KDM2B: variants seen among roughly 807,000 people sequenced by gnomAD.
KDM2B encodes the protein lysine demethylase 2B, also known as lysine-specific demethylase 2B.
A neutral mutation model predicts 150.0 loss-of-function variants in KDM2B; 26 were observed. The observed-to-expected ratio is 0.17, with a 90% confidence interval of 0.13 to 0.24. The LOEUF (loss-of-function observed/expected upper bound fraction) is 0.24. Among genes scored for constraint, KDM2B ranks in the 10% least tolerant of loss-of-function variants. The pLI is 1.00. For synonymous variants in KDM2B, 734 were observed against 729.5 expected (o/e 1.01, Z -0.10); for missense variants, 1,265 against 1,816.9 (o/e 0.70, Z 5.52).
intron 6 of KDM2B, among the ~76,000 whole-genome samples, chr12:121,546,630 C>T (rs1254556764): frequency 1.3e-5 from 2 of 151,240 alleles, no homozygotes; most frequent in Non-Finnish European, 2.9e-5. Flanking sequence ...GTCTCGATCT[C>T]CTGACCTCGT....
At chr12:121,564,144 A>G (rs1366770657) in intron 4 of KDM2B, among the ~76,000 whole-genome samples, 5 of 151,920 alleles carry the variant, frequency 3.3e-5, no homozygotes, top group Non-Finnish European at 4.4e-5. Context: ...GGTCCCAATC[A>G]GTGCAACAAA....
At chr12:121,478,249 G>A (rs1333937633) in intron 12 of KDM2B, among the ~76,000 whole-genome samples, 2 of 152,068 alleles carry the variant, frequency 1.3e-5, no homozygotes, top group South Asian at 2.1e-4. Flanking sequence ...TGTGTCGAAG[G>A]GGACTGGTGT....
intron 1 of KDM2B, 54 bp from the exon 2 acceptor site, chr12:121,579,000 G>A (rs782015006): frequency 1.9e-6 from 3 of 1,571,940 alleles, no homozygotes; most frequent in South Asian, 2.3e-5. Flanking sequence ...GCTGGAGGTC[G>A]CCTCTCAACC....
rs1555288069 is a variant in KDM2B at position 121,440,979 on chromosome 12, T to TG, written c.3449-3dup. Reference sequence around the variant, plus strand: ...CTGACAGCACCAAGTCCCGGAGCCCTGGGGGGACATAGAAAAGGGTGAAGG... The same window carrying TG: ...CTGACAGCACCAAGTCCCGGAGCCCTGGGGGGGACATAGAAAAGGGTGAAGG... On this transcript the variant is annotated splice_region_variant and splice_polypyrimidine_tract_variant and intron_variant, in intron 20 of 22. Coordinates refer to ENST00000377071, the MANE Select transcript of KDM2B (RefSeq NM_032590.5). 5.0e-6 allele frequency: 8 copies of TG among 1,613,352 alleles called. No homozygotes were observed. The highest frequency in any genetic ancestry group is 4.4e-5 in the South Asian group (4 of 90,992).
At chr12:121,498,418 T>A (rs533130657) in intron 11 of KDM2B, among the ~76,000 whole-genome samples, 1 of 152,306 alleles carries the variant, frequency 6.6e-6, no homozygotes, top group Admixed American at 6.5e-5. Flanking sequence ...CCAGCTTACC[T>A]CCTATGGGGA....
intron 8 of KDM2B, among the ~76,000 whole-genome samples, chr12:121,529,092 A>G (rs1555307380): frequency 2.6e-5 from 4 of 152,208 alleles, no homozygotes; most frequent in Non-Finnish European, 5.9e-5. Context: ...ACCTCAACAA[A>G]ATACTAGTAA....
chr12:121,420,155 A>C, the KDM2B span: 1 of 1,229,458 alleles, frequency 8.1e-7, no homozygotes, highest in Non-Finnish European at 1.2e-6. Context: ...CTTTCTGGTC[A>C]TCATGGGGAG....
At chr12:121,412,918 T>C in the KDM2B span, among the ~76,000 whole-genome samples, 2 of 151,922 alleles carry the variant, frequency 1.3e-5, no homozygotes, top group African/African-American at 4.8e-5. Context: ...GGTTTCACCA[T>C]GTTGGCCAGG....
At position 121,569,826 on chromosome 12, in the gene KDM2B, T is replaced by TTTTCTTTC. The variant is rs58941915; in HGVS notation, c.397+4713_397+4720dup. Among the ~76,000 whole-genome samples, 188 of 149,620 alleles carry TTTTCTTTC rather than the reference T, an allele frequency of 1.3e-3. 1 individual carries two copies. The highest frequency in any genetic ancestry group is 4.3e-3 in the African/African-American group (173 of 39,932). On this transcript the variant is annotated intron_variant, in intron 4 of 22. Transcript: ENST00000377071. ...ATGACTGTTCCTGCTTTCTTTTTTC[T>TTTTCTTTC]TTTCTTTCTTTCTTTCTTTCTTTTT...
rs782445142 is a variant in KDM2B at position 121,444,088 on chromosome 12, C to T, written c.2375G>A (p.Arg792His). The T allele has an allele frequency of 2.9e-5, 46 of 1,613,768 alleles. No individual in the cohort carries two copies. The highest frequency in any genetic ancestry group is 8.0e-5 in the African/African-American group (6 of 74,950). Residue 792 changes from arginine to histidine, a missense_variant, in exon 16 of 23, where the codon CGC (arginine) becomes CAC (histidine). Arg to His is a conservative substitution (Grantham distance 29). Transcript: ENST00000377071. ...SKKVPPDGLL[R>H]RKSDDVHLRK... The stretch of plus-strand genomic sequence containing the variant: ...CAGGTGCACGTCGTCAGACTTTCTG[C>T]GCAGAAGGCCGTCCGGCGGCACCTT...
rs1412612344 is a variant in KDM2B, at chr12:121,453,411, G to C, written c.1735-67C>G. On this transcript the variant is annotated intron_variant, in intron 12 of 22. Transcript: ENST00000377071. The surrounding 1 kb of genome is among the most constrained non-coding windows in gnomAD (Gnocchi z 6.4). ...AGGCACGGCCAGACCCCCGGAAAGG[G>C]TGTTAGGGAGCAAACTGTGTACCCC... 2.4e-6 allele frequency: 3 copies of C among 1,263,344 alleles called. No homozygotes were observed. Among genetic ancestry groups the C allele is most frequent in the Non-Finnish European group, 3.3e-6 (3 of 915,408 alleles). 78.3% of individuals were successfully genotyped at this position (1,263,344 alleles called of 1,614,324 possible).
chr12:121,413,216 G>A, the KDM2B span, among the ~76,000 whole-genome samples: 2 of 151,506 alleles, frequency 1.3e-5, no homozygotes, highest in Non-Finnish European at 2.9e-5. Flanking sequence ...TAGTAGAGAC[G>A]GCGTTTCGCC....
chr12:121,556,264 T>C (rs1889891859), intron 4 of KDM2B, among the ~76,000 whole-genome samples: 1 of 152,064 alleles, frequency 6.6e-6, no homozygotes, highest in African/African-American at 2.4e-5. Context: ...CTCTGCTCAT[T>C]AGGCTGGAGT....
chr12:121,520,884 G>T lies in KDM2B; in HGVS notation c.1047+101C>A. 1 of 802,262 alleles carries T rather than the reference G, an allele frequency of 1.2e-6. No individual in the cohort carries two copies. Among genetic ancestry groups the T allele is most frequent in the Non-Finnish European group, 2.1e-6 (1 of 483,778 alleles). 49.7% of individuals were successfully genotyped at this position (802,262 alleles called of 1,614,324 possible). A position where few individuals can be genotyped will look rare whatever the true frequency, so the allele number is the denominator to read the frequency against. ...TTGAGAGAGGAATCGGGAGGGAGAGGGGAACTGTGGAGGACTTCAGTATGA... is the reference window on the plus strand; with the variant it reads ...TTGAGAGAGGAATCGGGAGGGAGAGTGGAACTGTGGAGGACTTCAGTATGA... On this transcript the variant is annotated intron_variant, in intron 9 of 22. Transcript: ENST00000377071. This position sits in a 1 kb window ranked among gnomAD's most constrained non-coding sequence, Gnocchi z 4.5.
intron 10 of KDM2B, 114 bp from the exon 11 acceptor site, chr12:121,510,153 C>A: frequency 1.1e-6 from 1 of 928,174 alleles, no homozygotes; most frequent in South Asian, 1.7e-5. Flanking sequence ...GCTTCTCTAA[C>A]AATCCTAATG....
At chr12:121,419,296 G>C in the KDM2B span, among the ~76,000 whole-genome samples, 3 of 152,332 alleles carry the variant, frequency 2.0e-5, no homozygotes, top group Admixed American at 6.5e-5. Flanking sequence ...TGTGTAGCAG[G>C]CTGTGCCATC....
intron 12 of KDM2B, among the ~76,000 whole-genome samples, chr12:121,475,130 C>A (rs1269754837): frequency 6.6e-6 from 1 of 151,066 alleles, no homozygotes; most frequent in Non-Finnish European, 1.5e-5. Context: ...GACGAAATTG[C>A]CTAATGATGC....
intron 8 of KDM2B, among the ~76,000 whole-genome samples, chr12:121,528,556 T>G (rs1887353126): frequency 6.7e-6 from 1 of 149,808 alleles, no homozygotes; most frequent in Admixed American, 6.8e-5. Context: ...TGAGACTCTG[T>G]CTCAAAAAAA....
the KDM2B span, chr12:121,423,471 G>A: frequency 6.2e-7 from 1 of 1,613,826 alleles, no homozygotes; most frequent in Non-Finnish European, 8.5e-7. This position sits in a 1 kb window ranked among gnomAD's most constrained non-coding sequence, Gnocchi z 4.3. Flanking sequence ...GTGTCCTACT[G>A]GAGTGTGGGC....
Sources: allele counts gnomAD v4.1 joint callset (sites outside exome capture counted in the v4.1 genomes callset), GRCh38; gene constraint gnomAD v4.1.1; non-coding constraint Gnocchi (gnomAD v3.1); transcripts MANE v1.5; gene names NCBI Gene and HGNC (gene_info 2026-07-23, HGNC 2026-07-21).